The following SEL1L2 variants were observed in gnomAD, a reference collection of about 807,000 sequenced individuals.
SEL1L2 encodes the protein SEL1L2 adaptor subunit of SYVN1 ubiquitin ligase.
SEL1L2 carries 89 observed loss-of-function variants against 98.8 expected under a neutral mutation model. That is an observed-to-expected ratio of 0.90 (90% confidence interval 0.76 to 1.07). SEL1L2 has a LOEUF of 1.07. Among genes scored for constraint, SEL1L2 ranks in the 50% least tolerant of loss-of-function variants. SEL1L2 has a pLI of 0.00. For synonymous variants in SEL1L2, 262 were observed against 278.5 expected (o/e 0.94, Z 0.59); for missense variants, 788 against 812.0 (o/e 0.97, Z 0.36).
chr20:13,870,112 TA>T (rs769090420), intron 13 of SEL1L2, 28 bp downstream of exon 13: 9 of 1,484,730 alleles, frequency 6.1e-6, no homozygotes, highest in Non-Finnish European at 7.4e-6. Flanking sequence ...TTGCTACAAA[TA>T]AAAAGATAAT....
intron 1 of SEL1L2, among the ~76,000 whole-genome samples, chr20:13,975,931 T>C (rs893841193): frequency 1.3e-5 from 2 of 152,152 alleles, no homozygotes; most frequent in Non-Finnish European, 2.9e-5. Context: ...CAAGAGATCC[T>C]CTTGCTTCAC....
At chr20:13,856,150 G>T (rs76199098) in intron 18 of SEL1L2, among the ~76,000 whole-genome samples, 4,637 of 147,990 alleles carry the variant, frequency 0.031, 220 homozygotes, top group African/African-American at 0.11. Context: ...GTTTTTTGGG[G>T]TTTTTTTTTT....
intron 19 of SEL1L2, 113 bp downstream of exon 19, chr20:13,850,078 C>T (rs1568812262): frequency 1.6e-6 from 2 of 1,249,610 alleles, no homozygotes; most frequent in Non-Finnish European, 2.2e-6. Context: ...AATTTTACTT[C>T]TCAAAGGAAA....
chr20:13,953,099 C>T (rs2050350135), intron 2 of SEL1L2, among the ~76,000 whole-genome samples: 1 of 152,144 alleles, frequency 6.6e-6, no homozygotes, highest in East Asian at 1.9e-4. Context: ...GACTGGTTGG[C>T]TTAGGATTGG....
intron 5 of SEL1L2, 74 bp from the exon 6 acceptor site, chr20:13,888,586 C>T: frequency 5.0e-6 from 3 of 594,122 alleles, no homozygotes; most frequent in South Asian, 2.0e-5. Context: ...TAAGGGATAT[C>T]TTAAATGTCT....
At chr20:13,864,228 G>A (rs1276405101) in intron 17 of SEL1L2, among the ~76,000 whole-genome samples, 1 of 152,136 alleles carries the variant, frequency 6.6e-6, no homozygotes, top group Non-Finnish European at 1.5e-5. Flanking sequence ...AAATTGCATT[G>A]ATGGCTGTTG....
intron 3 of SEL1L2, among the ~76,000 whole-genome samples, chr20:13,923,455 C>T (rs997642167): frequency 6.6e-6 from 1 of 152,116 alleles, no homozygotes; most frequent in Non-Finnish European, 1.5e-5. Context: ...ATACAGTTTC[C>T]ATTTTTTTAC....
At chr20:13,880,370 AC>A (rs539008984) in intron 10 of SEL1L2, among the ~76,000 whole-genome samples, 30 of 152,236 alleles carry the variant, frequency 2.0e-4, no homozygotes, top group African/African-American at 7.2e-4. Flanking sequence ...TTTGATAAAG[AC>A]CTAAAGGAAT....
chr20:13,976,236 G>A (rs543985938), intron 1 of SEL1L2, among the ~76,000 whole-genome samples: 5 of 151,802 alleles, frequency 3.3e-5, no homozygotes, highest in African/African-American at 4.8e-5. Flanking sequence ...TCCTGACCTC[G>A]TGATCCACCG....
At chr20:13,961,488 G>A (rs2050768969) in intron 1 of SEL1L2, among the ~76,000 whole-genome samples, 1 of 152,182 alleles carries the variant, frequency 6.6e-6, no homozygotes, top group African/African-American at 2.4e-5. Context: ...TTGGGGCATG[G>A]AGGGGAAGCC....
rs1381439772 is a variant in SEL1L2, at chr20:13,948,234, C to T, written c.114+7842G>A. Among the ~76,000 whole-genome samples, 23 of 149,136 alleles carry T rather than the reference C, an allele frequency of 1.5e-4. No homozygotes were observed. The East Asian group carries it at 3.7e-3, about 24-fold the overall frequency. ...GCAATCCCTATAAAAATCCCAATGG[C>T]TTTTTTTTTTCAGAAATAGAGATAT... On this transcript the variant is annotated intron_variant, in intron 2 of 19. Coordinates refer to ENST00000284951, the MANE Select transcript of SEL1L2 (RefSeq NM_025229.2).
chr20:13,953,867 C>T (rs1177963217), intron 2 of SEL1L2, among the ~76,000 whole-genome samples: 1 of 152,170 alleles, frequency 6.6e-6, no homozygotes, highest in African/African-American at 2.4e-5. Flanking sequence ...AATGGTCCCT[C>T]AGCCATATAC....
intron 12 of SEL1L2, among the ~76,000 whole-genome samples, chr20:13,870,557 C>T (rs1180169929): frequency 6.6e-6 from 1 of 152,136 alleles, no homozygotes; most frequent in Non-Finnish European, 1.5e-5. Context: ...CTAGGGGGCT[C>T]TGAGCCATAT....
At chr20:13,953,136 T>C (rs538034249) in intron 2 of SEL1L2, among the ~76,000 whole-genome samples, 102 of 152,292 alleles carry the variant, frequency 6.7e-4, no homozygotes, top group African/African-American at 2.4e-3. Flanking sequence ...CCCAGAAGCT[T>C]GATATGCTGG....
chr20:13,939,040 G>GTTTT (rs386365633), intron 2 of SEL1L2, among the ~76,000 whole-genome samples: 5 of 114,072 alleles, frequency 4.4e-5, no homozygotes, highest in African/African-American at 1.4e-4. Context: ...TGCTTGTTTT[G>GTTTT]TTTTTTTTTT....
intron 1 of SEL1L2, among the ~76,000 whole-genome samples, chr20:13,961,920 G>T (rs2050792808): frequency 6.6e-6 from 1 of 152,154 alleles, no homozygotes; most frequent in African/African-American, 2.4e-5. Flanking sequence ...ATATAGTTTT[G>T]CTGTCTTTCC....
At chr20:13,962,752 C>A (rs2050836324) in intron 1 of SEL1L2, among the ~76,000 whole-genome samples, 1 of 152,070 alleles carries the variant, frequency 6.6e-6, no homozygotes, top group Non-Finnish European at 1.5e-5. Context: ...ATAGTCCTAG[C>A]ATTGAGAAAA....
chr20:13,898,733 GT>G (rs67231527), intron 5 of SEL1L2, among the ~76,000 whole-genome samples: 13,639 of 151,984 alleles, frequency 0.09, 733 homozygotes, highest in African/African-American at 0.14. Context: ...GCTTCCCATT[GT>G]TTTTTTATTT....
At chr20:13,985,516 A>G (rs1291505506) in intron 1 of SEL1L2, among the ~76,000 whole-genome samples, 2 of 152,118 alleles carry the variant, frequency 1.3e-5, no homozygotes, top group East Asian at 1.9e-4. Flanking sequence ...TCTGTGCCCT[A>G]CAGTACCCTG....
Sources: allele counts gnomAD v4.1 joint callset (sites outside exome capture counted in the v4.1 genomes callset), GRCh38; gene constraint gnomAD v4.1.1; transcripts MANE v1.5; gene names NCBI Gene and HGNC (gene_info 2026-07-23, HGNC 2026-07-21).